Variants in THSD4 observed in about 807,000 individuals in gnomAD.
THSD4 encodes thrombospondin type 1 domain containing 4.
THSD4 carries 69 observed loss-of-function variants against 119.0 expected under a neutral mutation model. The observed-to-expected ratio is 0.58, with a 90% CI of 0.48 to 0.71. The LOEUF (loss-of-function observed/expected upper bound fraction) is 0.71, where lower values mean the gene tolerates loss of function less well. Among genes scored for constraint, THSD4 ranks in the 30% least tolerant of loss-of-function variants. The probability of loss-of-function intolerance (pLI) is 0.00; values close to 1 mark genes in which losing one functional copy is unlikely to be tolerated. For missense variants in THSD4, 1,393 were observed against 1,391.1 expected, an observed-to-expected ratio of 1.00 and a Z score of -0.02; for synonymous variants, 524 against 540.4, an observed-to-expected ratio of 0.97 and a Z score of 0.42.
chr15:71,532,200 A>G (rs1010790836), intron 7 of THSD4, among the ~76,000 whole-genome samples: 4 of 151,874 alleles, frequency 2.6e-5, no homozygotes, highest in Non-Finnish European at 5.9e-5. Context: ...CATGACCCAG[A>G]AGGGTAACAG....
In THSD4 at chr15:71,332,891, C is replaced by CTTTTTTTTTTTTTTTTTTTTTTTTTTT. The variant is rs1184457820; in HGVS notation, c.1015+76176_1015+76177insTTTTTTTTTTTTTTTTTTTTTTTTTTT. On this transcript the variant is annotated intron_variant, in intron 6 of 17. Transcript: ENST00000261862. ...TTCTTAAAACATTGAGATTTTTTTA[C>CTTTTTTTTTTTTTTTTTTTTTTTTTTT]ATTTTTTTTTTTTTTTTAGTTCATC... 2.4e-4 allele frequency among the ~76,000 whole-genome samples: 9 copies of CTTTTTTTTTTTTTTTTTTTTTTTTTTT among 38,002 alleles called. 1 individual carries two copies. The highest frequency in any genetic ancestry group is 3.4e-4 in the Non-Finnish European group (6 of 17,650). 24.9% of individuals were successfully genotyped at this position (38,002 alleles called of 152,430 possible). A position where few individuals can be genotyped will look rare whatever the true frequency, so the allele number is the denominator to read the frequency against.
chr15:71,451,137 C>G (rs757602609), intron 7 of THSD4, among the ~76,000 whole-genome samples: 3 of 152,104 alleles, frequency 2.0e-5, no homozygotes, highest in Non-Finnish European at 4.4e-5. Flanking sequence ...AAGGTCACAA[C>G]ACTGCACTCC....
chr15:71,718,830 C>T lies in THSD4; in HGVS notation c.1358-9719C>T, dbSNP rs111422317. ...TGCAAATCTCTGCTCAAATGCCACCCGCTCTCTGAGAGCCTCTGCATCTCG... is the reference window on the plus strand; with the variant it reads ...TGCAAATCTCTGCTCAAATGCCACCTGCTCTCTGAGAGCCTCTGCATCTCG... On this transcript the variant is annotated intron_variant, in intron 8 of 17. Transcript: ENST00000261862. Among the ~76,000 whole-genome samples the T allele has an allele frequency of 1.9e-3, 286 of 152,270 alleles. 2 individuals are homozygous for T. Among genetic ancestry groups the T allele is most frequent in the African/African-American group, 5.9e-3 (247 of 41,556 alleles).
At chr15:71,168,213 A>G (rs973599993) in intron 3 of THSD4, among the ~76,000 whole-genome samples, 4 of 152,364 alleles carry the variant, frequency 2.6e-5, no homozygotes, top group African/African-American at 9.6e-5. Context: ...TAATAAAACA[A>G]TAAGTTATTA....
chr15:71,155,633 G>A (rs1405492170), intron 3 of THSD4, among the ~76,000 whole-genome samples: 1 of 152,170 alleles, frequency 6.6e-6, no homozygotes, highest in Non-Finnish European at 1.5e-5. Context: ...AACCCACTTG[G>A]GAATGGAGGA....
chr15:71,310,670 G>A (rs1159923497), intron 6 of THSD4, among the ~76,000 whole-genome samples: 5 of 152,106 alleles, frequency 3.3e-5, no homozygotes, highest in African/African-American at 9.7e-5. Flanking sequence ...TGTCAAACAA[G>A]GTAGGTCAGA....
Position 71,341,422 on chromosome 15 carries a change from G to A in THSD4, c.1016-70265G>A, listed in dbSNP as rs762999854. 33 of 1,612,778 alleles carry A rather than the reference G, an allele frequency of 2.0e-5. No homozygotes were observed. In the East Asian group the frequency reaches 3.1e-4, roughly 15 times the overall value. On this transcript the variant is annotated intron_variant, in intron 6 of 17. Transcript: ENST00000261862. ...CCTTAAGTTCAGCATTACTCTCTGC[G>A]TTTTTAAGCATGTGCAGCAAGAATT...
intron 4 of THSD4, among the ~76,000 whole-genome samples, chr15:71,231,827 G>T (rs895363787): frequency 2.0e-5 from 3 of 152,074 alleles, no homozygotes; most frequent in African/African-American, 7.2e-5. Flanking sequence ...CTTATCTTCT[G>T]TAGACACCAG....
chr15:71,579,457 A>G (rs1396014386), intron 7 of THSD4, among the ~76,000 whole-genome samples: 1 of 152,250 alleles, frequency 6.6e-6, no homozygotes, highest in Non-Finnish European at 1.5e-5. Flanking sequence ...ACAAGTCCCC[A>G]GAAGAGGGAG....
At chr15:71,724,073 A>G in intron 8 of THSD4, among the ~76,000 whole-genome samples, 1 of 5,686 alleles carries the variant, frequency 1.8e-4, no homozygotes, top group East Asian at 0.05. Context: ...TTATTTAAAA[A>G]AAAAAAAAAA....
chr15:71,269,224 A>G (rs1454679684), intron 6 of THSD4, among the ~76,000 whole-genome samples: 2 of 152,238 alleles, frequency 1.3e-5, no homozygotes, highest in Non-Finnish European at 2.9e-5. Context: ...AACTGAATTC[A>G]GCAGCACATC....
At chr15:71,571,757 T>G (rs1157808025) in intron 7 of THSD4, among the ~76,000 whole-genome samples, 1 of 152,198 alleles carries the variant, frequency 6.6e-6, no homozygotes, top group African/African-American at 2.4e-5. Flanking sequence ...ACAGACAAGC[T>G]TTATTCCCCC....
chr15:71,716,863 A>G (rs1190919372), intron 8 of THSD4, among the ~76,000 whole-genome samples: 2 of 152,130 alleles, frequency 1.3e-5, no homozygotes, highest in Admixed American at 1.3e-4. Context: ...TTCCTCATGT[A>G]GAATCCTAAT....
In THSD4 at chr15:71,141,449, G is replaced by C. The variant is rs1467103444; in HGVS notation, c.-79G>C. The C allele has an allele frequency of 2.1e-6, 3 of 1,423,902 alleles. No individual in the cohort carries two copies. Among genetic ancestry groups the C allele is most frequent in the Non-Finnish European group, 2.9e-6 (3 of 1,041,612 alleles). The allele number at this position is 1,423,902 out of a possible 1,614,324, so 88.2% of individuals were successfully genotyped here. A position where few individuals can be genotyped will look rare whatever the true frequency, so the allele number is the denominator to read the frequency against. On this transcript the variant is annotated splice_region_variant and 5_prime_UTR_variant, in exon 2 of 18. Transcript: ENST00000261862. ...AAAATAACATTGTTCATTTCCATAG[G>C]ACTTGAACGCAACTCCCAATTGCAG...
chr15:71,322,550 ATATT>A (rs1409133361), intron 6 of THSD4, among the ~76,000 whole-genome samples: 1 of 152,222 alleles, frequency 6.6e-6, no homozygotes, highest in Non-Finnish European at 1.5e-5. Context: ...ACAGCAATAA[ATATT>A]TATTATCTTA....
At chr15:71,403,152 C>T (rs2046560146) in intron 6 of THSD4, among the ~76,000 whole-genome samples, 1 of 152,114 alleles carries the variant, frequency 6.6e-6, no homozygotes, top group Admixed American at 6.5e-5. Flanking sequence ...ATTCTCTTTG[C>T]TTCTTTTTTG....
At chr15:71,425,347 A>T (rs1167422590) in intron 7 of THSD4, among the ~76,000 whole-genome samples, 1 of 152,234 alleles carries the variant, frequency 6.6e-6, no homozygotes, top group African/African-American at 2.4e-5. Flanking sequence ...CAGAATAGAA[A>T]GAGTTGTTTA....
At position 71,215,210 on chromosome 15, in the gene THSD4, G is replaced by C. The variant is rs1408278915; in HGVS notation, c.275G>C (p.Arg92Pro). 2 of 1,365,020 alleles carry C rather than the reference G, an allele frequency of 1.5e-6. No homozygotes were observed. The highest frequency in any genetic ancestry group is 1.9e-6 in the Non-Finnish European group (2 of 1,063,922). The allele number at this position is 1,365,020 out of a possible 1,614,324, so 84.6% of individuals were successfully genotyped here. A position where few individuals can be genotyped will look rare whatever the true frequency, so the allele number is the denominator to read the frequency against. ...TCCTACCGCCTGCGCGGCGGCCAGCGGCCTGGCGCCCCTGCGCGCGCCTTC... is the reference window on the plus strand; with the variant it reads ...TCCTACCGCCTGCGCGGCGGCCAGCCGCCTGGCGCCCCTGCGCGCGCCTTC... ...PRSYRLRGGQ[R>P]PGAPARAFAD... The change falls in exon 4 of 18, where the codon CGG (arginine) becomes CCG (proline). Residue 92 changes from arginine to proline, a missense_variant. Arg to Pro is a moderately radical substitution (Grantham distance 103, BLOSUM62 -2). Transcript: ENST00000261862.
intron 3 of THSD4, among the ~76,000 whole-genome samples, chr15:71,181,249 T>C (rs966196124): frequency 2.6e-5 from 4 of 152,158 alleles, no homozygotes; most frequent in Non-Finnish European, 5.9e-5. Flanking sequence ...TTTCTACTTA[T>C]GAAAAAAATA....
Sources: gnomAD v4.1 joint callset for allele counts (sites outside exome capture counted in the v4.1 genomes callset) on GRCh38, gnomAD v4.1.1 for gene constraint, MANE v1.5 for transcripts, NCBI Gene and HGNC (gene_info 2026-07-23, HGNC 2026-07-21) for gene names.